EPHB2: variants seen among roughly 807,000 people sequenced by gnomAD.
The protein encoded by EPHB2 is ephrin type-B receptor 2.
EPHB2 carries 18 observed loss-of-function variants against 96.4 expected under a neutral mutation model. That is an observed-to-expected ratio of 0.19 (90% confidence interval 0.13 to 0.28). The LOEUF is 0.28. Among genes scored for constraint, EPHB2 ranks in the 10% least tolerant of loss-of-function variants. The pLI, the probability that EPHB2 is intolerant of heterozygous loss-of-function variation, is 1.00. For synonymous variants in EPHB2, 506 were observed against 534.1 expected, an observed-to-expected ratio of 0.95 and a Z score of 0.72; for missense variants, 989 against 1,355.4, an observed-to-expected ratio of 0.73 and a Z score of 4.25.
At chr1:22,907,573 T>C (rs574060114) in intron 11 of EPHB2, among the ~76,000 whole-genome samples, 10 of 152,344 alleles carry the variant, frequency 6.6e-5, no homozygotes, top group Non-Finnish European at 1.5e-4. Context: ...GCACCTAACA[T>C]GTGCCAGGCA....
intron 3 of EPHB2, among the ~76,000 whole-genome samples, chr1:22,844,067 TC>T (rs1645506668): frequency 6.6e-6 from 1 of 152,196 alleles, no homozygotes; most frequent in Non-Finnish European, 1.5e-5. Context: ...TTTAGGTTGA[TC>T]CCATGGCTTT....
At chr1:22,812,913 T>C (rs940434593) in intron 3 of EPHB2, among the ~76,000 whole-genome samples, 1 of 152,258 alleles carries the variant, frequency 6.6e-6, no homozygotes, top group Admixed American at 6.5e-5. Context: ...GATGAGTGAA[T>C]GACTACAAAC....
chr1:22,886,116 A>G (rs151281348), intron 6 of EPHB2, among the ~76,000 whole-genome samples: 17 of 152,338 alleles, frequency 1.1e-4, no homozygotes, highest in African/African-American at 3.8e-4. Flanking sequence ...GAGGGCACCA[A>G]TAGGGGCCCA....
At chr1:22,882,011 C>T (rs904660626) in intron 5 of EPHB2, among the ~76,000 whole-genome samples, 11 of 152,162 alleles carry the variant, frequency 7.2e-5, no homozygotes, top group Admixed American at 4.6e-4. Flanking sequence ...GAATGGGAGG[C>T]GGAAATAACT....
At chr1:22,739,028 T>C (rs1294731022) in intron 1 of EPHB2, among the ~76,000 whole-genome samples, 1 of 152,194 alleles carries the variant, frequency 6.6e-6, no homozygotes, top group African/African-American at 2.4e-5. Context: ...TTATTTTATT[T>C]TTAAAAATTA....
chr1:22,716,382 A>G (rs1033589517), intron 1 of EPHB2, among the ~76,000 whole-genome samples: 4 of 151,550 alleles, frequency 2.6e-5, no homozygotes, highest in Non-Finnish European at 5.9e-5. Flanking sequence ...CCCAGGCTGG[A>G]GCACAGTGGT....
chr1:22,908,956 G>T (rs1640002669), intron 12 of EPHB2, 66 bp from the exon 13 acceptor site: 2 of 1,602,980 alleles, frequency 1.2e-6, no homozygotes, highest in Non-Finnish European at 1.7e-6. Context: ...CAGGGTGGGA[G>T]GATTAAGAGA....
intron 3 of EPHB2, among the ~76,000 whole-genome samples, chr1:22,809,937 G>T (rs1644979991): frequency 1.3e-5 from 2 of 152,204 alleles, no homozygotes; most frequent in Admixed American, 6.5e-5. Context: ...AGCTTGACTG[G>T]TTCTGAAGGT....
chr1:22,912,640 C>G (rs1017794091), intron 15 of EPHB2, 41 bp downstream of exon 15: 2 of 1,609,776 alleles, frequency 1.2e-6, no homozygotes, highest in Non-Finnish European at 1.7e-6. Flanking sequence ...TTAGCACCCC[C>G]TCTCCACCGG....
intron 3 of EPHB2, among the ~76,000 whole-genome samples, chr1:22,849,942 C>CG (rs112116171): frequency 0.021 from 3,180 of 152,316 alleles, 113 homozygotes; most frequent in African/African-American, 0.071. Flanking sequence ...GCTGCATCCC[C>CG]GGGGGGTCCG....
intron 3 of EPHB2, among the ~76,000 whole-genome samples, chr1:22,813,361 T>C (rs373441502): frequency 5.9e-5 from 9 of 151,724 alleles, no homozygotes; most frequent in African/African-American, 1.9e-4. Context: ...TAGAGTAGGG[T>C]GAGGGGTCCA....
At chr1:22,821,541 A>T (rs1645152251) in intron 3 of EPHB2, among the ~76,000 whole-genome samples, 1 of 152,238 alleles carries the variant, frequency 6.6e-6, no homozygotes, top group African/African-American at 2.4e-5. Context: ...TGGGGGCAGA[A>T]TCATGTTCGG....
At chr1:22,758,908 G>A (rs1205856503) in intron 1 of EPHB2, among the ~76,000 whole-genome samples, 2 of 148,264 alleles carry the variant, frequency 1.3e-5, no homozygotes, top group African/African-American at 5.0e-5. Context: ...GATGGATGAT[G>A]GGTGACGGAT....
At chr1:22,901,954 TAGCTGGGATCACA>T (rs1242391348) in intron 9 of EPHB2, among the ~76,000 whole-genome samples, 2 of 151,648 alleles carry the variant, frequency 1.3e-5, no homozygotes, top group Non-Finnish European at 2.9e-5. Flanking sequence ...GCCTCCCAGG[TAGCTGGGATCACA>T]AGCCTGCACT....
chr1:22,856,440 G>C (rs979466570), intron 3 of EPHB2, among the ~76,000 whole-genome samples: 4 of 152,148 alleles, frequency 2.6e-5, no homozygotes, highest in African/African-American at 9.7e-5. Context: ...GCTGCTTCGA[G>C]CCCTGAGACC....
Position 22,714,159 on chromosome 1 carries a change from G to A in EPHB2, c.61+3116G>A, listed in dbSNP as rs142785613. On this transcript the variant is annotated intron_variant, in intron 1 of 15. Transcript: ENST00000374630. ...GGCAAGGAGACGGGACAAGCTGACA[G>A]GGAAAAGAGTGGGCGAGACAGAGCA... 2.0e-3 allele frequency among the ~76,000 whole-genome samples: 302 copies of A among 152,316 alleles called. 1 individual carries two copies. The highest frequency in any genetic ancestry group is 7.1e-3 in the African/African-American group (293 of 41,560).
chr1:22,897,529 T>G (rs1004358516), intron 9 of EPHB2, among the ~76,000 whole-genome samples: 1 of 152,102 alleles, frequency 6.6e-6, no homozygotes, highest in Admixed American at 6.5e-5. Context: ...AGCTCACACC[T>G]GTAATCCCAG....
chr1:22,839,876 C>T (rs1645440514), intron 3 of EPHB2, among the ~76,000 whole-genome samples: 1 of 152,146 alleles, frequency 6.6e-6, no homozygotes, highest in South Asian at 2.1e-4. Flanking sequence ...CCCTACTGAA[C>T]TCACCTATCG....
chr1:22,812,030 G>T (rs1645010319), intron 3 of EPHB2, among the ~76,000 whole-genome samples: 1 of 152,224 alleles, frequency 6.6e-6, no homozygotes, highest in Non-Finnish European at 1.5e-5. Flanking sequence ...CAGAGCAAGA[G>T]CTTGTCTCAA....
Sources: allele counts gnomAD v4.1 joint callset (sites outside exome capture counted in the v4.1 genomes callset), GRCh38; gene constraint gnomAD v4.1.1; transcripts MANE v1.5; gene names NCBI Gene and HGNC (gene_info 2026-07-23, HGNC 2026-07-21).